Variants in USP35 observed in about 807,000 individuals in gnomAD.
The protein encoded by USP35 is ubiquitin specific peptidase 35, also known as ubiquitin carboxyl-terminal hydrolase 35.
Under a neutral mutation model 83.8 loss-of-function variants are expected in USP35, and 69 were observed. The observed-to-expected ratio is 0.82, with a 90% CI of 0.68 to 1.01. The LOEUF (loss-of-function observed/expected upper bound fraction) is 1.01. Ranked by LOEUF, USP35 falls within the 50% of genes least tolerant of loss-of-function variation. USP35 has a pLI of 0.00. For missense variants in USP35, 1,503 were observed against 1,362.5 expected (o/e 1.10, Z -1.62); for synonymous variants, 714 against 589.5 (o/e 1.21, Z -3.06).
the USP35 span, chr11:78,226,431 C>T: frequency 3.3e-6 from 5 of 1,520,268 alleles, no homozygotes; most frequent in Non-Finnish European, 4.6e-6. Context: ...TTACCTCCTC[C>T]TCCCTCTGAG....
At chr11:78,236,152 T>C in the USP35 span, among the ~76,000 whole-genome samples, 1 of 152,234 alleles carries the variant, frequency 6.6e-6, no homozygotes, top group East Asian at 1.9e-4. Context: ...TGAAGAGGTG[T>C]TGCATGTTTG....
rs1302821785 is a variant in USP35, at chr11:78,209,661, T to C, written c.1806T>C (p.Pro602=). The stretch of plus-strand genomic sequence containing the variant: ...CGGACCTCTCTCTCGCCTTCCCTCC[T>C]CCTGAGCGCTGTCGCCGCCGCCGCC... The part of the protein sequence containing the change: ...AFTDLSLAFP[P]PERCRRRRLG... Residue 602 remains proline (P), a synonymous_variant, in exon 10 of 11, where the codon CCT becomes CCC. Coordinates refer to ENST00000529308, the MANE Select transcript of USP35 (RefSeq NM_020798.4). 1 of 1,613,918 alleles carries C rather than the reference T, an allele frequency of 6.2e-7. No homozygotes were observed. The highest frequency in any genetic ancestry group is 8.5e-7 in the Non-Finnish European group (1 of 1,179,908).
chr11:78,205,875 C>G lies in USP35; in HGVS notation c.1231C>G (p.Gln411Glu). The change falls in exon 7 of 11, where the codon CAG (glutamine) becomes GAG (glutamate). Residue 411 changes from glutamine (Q) to glutamate (E), a missense_variant. Gln to Glu is a conservative substitution (Grantham distance 29). Coordinates refer to ENST00000529308, the MANE Select transcript of USP35 (RefSeq NM_020798.4). ...TGTTCCCAATGAGGACCGCATCAAGCAGCTGCTGGGGCAGGATGCCTGGAC... is the reference window on the plus strand; with the variant it reads ...TGTTCCCAATGAGGACCGCATCAAGGAGCTGCTGGGGCAGGATGCCTGGAC... ...LHVPNEDRIKQLLGQDAWTSQ... is the reference protein window; with the variant it reads ...LHVPNEDRIKELLGQDAWTSQ... The G allele has an allele frequency of 6.2e-7, 1 of 1,614,142 alleles. No individual in the cohort carries two copies. The highest frequency in any genetic ancestry group is 8.5e-7 in the Non-Finnish European group (1 of 1,179,972).
At chr11:78,224,072 ACT>A in the USP35 span, among the ~76,000 whole-genome samples, 3 of 151,952 alleles carry the variant, frequency 2.0e-5, no homozygotes, top group African/African-American at 7.3e-5. Context: ...ACAGAGTGAG[ACT>A]CTGTTTCAAA....
the USP35 span, among the ~76,000 whole-genome samples, chr11:78,234,607 A>T: frequency 6.7e-6 from 1 of 148,194 alleles, no homozygotes; most frequent in African/African-American, 2.5e-5. Context: ...AACTATTTTT[A>T]TTTATATATG....
chr11:78,234,728 T>C, the USP35 span, among the ~76,000 whole-genome samples: 1 of 151,976 alleles, frequency 6.6e-6, no homozygotes, highest in Non-Finnish European at 1.5e-5. Context: ...CAACATTATC[T>C]TGATTACCAT....
At chr11:78,213,375 C>T (rs1042090224) in intron 10 of USP35, among the ~76,000 whole-genome samples, 2 of 152,204 alleles carry the variant, frequency 1.3e-5, no homozygotes, top group Non-Finnish European at 2.9e-5. Flanking sequence ...GTCCTCAGAC[C>T]TCTCGGTACC....
chr11:78,203,041 T>C (rs1863405160), intron 6 of USP35, among the ~76,000 whole-genome samples: 1 of 152,026 alleles, frequency 6.6e-6, no homozygotes, highest in Non-Finnish European at 1.5e-5. Context: ...GGAAAACCCA[T>C]GATGAGTGAG....
At chr11:78,231,239 G>A in the USP35 span, among the ~76,000 whole-genome samples, 1 of 152,172 alleles carries the variant, frequency 6.6e-6, no homozygotes, top group African/African-American at 2.4e-5. Context: ...AGTGCCAAGT[G>A]CCTTCCCTTT....
chr11:78,191,836 C>G lies in USP35; in HGVS notation c.-11+2679C>G, dbSNP rs533855792. Among the ~76,000 whole-genome samples the G allele has an allele frequency of 2.7e-3, 416 of 151,506 alleles. 2 individuals are homozygous for G. Among genetic ancestry groups the G allele is most frequent in the African/African-American group, 9.3e-3 (384 of 41,280 alleles). On this transcript the variant is annotated intron_variant, in intron 1 of 10. Coordinates refer to ENST00000529308, the MANE Select transcript of USP35 (RefSeq NM_020798.4). ...AAAATAGACTCATGACAGCCCGGCC[C>G]TCATCTTTTTTTTTTTTTTTTTTTT...
chr11:78,198,637 C>T (rs1242243136), intron 3 of USP35: 59 of 985,318 alleles, frequency 6.0e-5, no homozygotes, highest in South Asian at 9.4e-5. Flanking sequence ...GCCATTCTTT[C>T]CATCCCGTGT....
chr11:78,196,914 C>T lies in USP35; in HGVS notation c.669C>T (p.Cys223=), dbSNP rs1214077721. Residue 223 remains cysteine, a synonymous_variant, in exon 2 of 11, where the codon TGC becomes TGT. Coordinates refer to ENST00000529308, the MANE Select transcript of USP35 (RefSeq NM_020798.4). The surrounding 1 kb of genome is among the most constrained non-coding windows in gnomAD (Gnocchi z 4.8). ...CLKELFAVIS[C]AEEEPPSSAL... ...AAGAGCTGTTCGCAGTCATCTCCTG[C>T]GCAGGTGCGTGTGCGGCCGGGGCAG... 1.4e-6 allele frequency: 2 copies of T among 1,452,844 alleles called. No individual in the cohort carries two copies. Among genetic ancestry groups the T allele is most frequent in the South Asian group, 1.4e-5 (1 of 71,324 alleles). The allele number at this position is 1,452,844 out of a possible 1,614,324, so 90.0% of individuals were successfully genotyped here.
chr11:78,220,402 T>C, the USP35 span: 36 of 1,597,246 alleles, frequency 2.3e-5, no homozygotes, highest in Non-Finnish European at 3.1e-5. Context: ...GGGGCAGGAC[T>C]GTTCGTGCCA....
At chr11:78,232,218 A>C in the USP35 span, among the ~76,000 whole-genome samples, 2 of 152,212 alleles carry the variant, frequency 1.3e-5, no homozygotes, top group Admixed American at 1.3e-4. Flanking sequence ...TTCTAATTTT[A>C]CCATTTACCC....
At position 78,189,021 on chromosome 11, in the gene USP35, C is replaced by T. The variant is rs1211054461; in HGVS notation, c.-147C>T. 1.1e-6 allele frequency: 1 copy of T among 927,098 alleles called. No individual in the cohort carries two copies. The highest frequency in any genetic ancestry group is 1.3e-6 in the Non-Finnish European group (1 of 776,772). 57.4% of individuals were successfully genotyped at this position (927,098 alleles called of 1,614,324 possible). On this transcript the variant is annotated 5_prime_UTR_variant, in exon 1 of 11. Transcript: ENST00000529308. ...TTTGCAGTGGAAGCAGCATCTCTTCCGTCTGGGACCTGGCTGAGGGCGTCC... is the reference window on the plus strand; with the variant it reads ...TTTGCAGTGGAAGCAGCATCTCTTCTGTCTGGGACCTGGCTGAGGGCGTCC...
At chr11:78,194,680 G>A (rs1328314899) in intron 1 of USP35, among the ~76,000 whole-genome samples, 14 of 152,182 alleles carry the variant, frequency 9.2e-5, no homozygotes. Flanking sequence ...GCCAGGTGGA[G>A]GAGAAGGGCA....
the USP35 span, among the ~76,000 whole-genome samples, chr11:78,225,370 A>G: frequency 2.0e-5 from 3 of 152,296 alleles, no homozygotes; most frequent in South Asian, 6.2e-4. Flanking sequence ...CAGTTCAAAA[A>G]TTCCTCCTGG....
rs1317690430 is a variant in USP35 at position 78,214,968 on chromosome 11, C to T, written c.*1155C>T. Among the ~76,000 whole-genome samples the T allele has an allele frequency of 6.6e-6, 1 of 152,150 alleles. No individual in the cohort carries two copies. Among genetic ancestry groups the T allele is most frequent in the Non-Finnish European group, 1.5e-5 (1 of 68,026 alleles). ...GCAGCTCTCAAGCCTTTACCTACCTCCTTCCCCAGGGGCTGCCTGCTGTGA... is the reference window on the plus strand; with the variant it reads ...GCAGCTCTCAAGCCTTTACCTACCTTCTTCCCCAGGGGCTGCCTGCTGTGA... On this transcript the variant is annotated 3_prime_UTR_variant, in exon 11 of 11. Transcript: ENST00000529308.
At chr11:78,220,851 G>A in the USP35 span, among the ~76,000 whole-genome samples, 2 of 152,164 alleles carry the variant, frequency 1.3e-5, no homozygotes, top group Non-Finnish European at 2.9e-5. Context: ...GCTTGCTGGC[G>A]CTTAAGAAAG....
Sources: gnomAD v4.1 joint callset for allele counts (sites outside exome capture counted in the v4.1 genomes callset) on GRCh38, gnomAD v4.1.1 for gene constraint, Gnocchi (gnomAD v3.1) non-coding constraint, MANE v1.5 for transcripts, NCBI Gene and HGNC (gene_info 2026-07-23, HGNC 2026-07-21) for gene names.